The following SCLT1 variants were observed in gnomAD, a reference collection of about 807,000 sequenced individuals.
SCLT1 encodes sodium channel and clathrin linker 1.
SCLT1 carries 78 observed loss-of-function variants against 112.8 expected under a neutral mutation model. That is an observed-to-expected ratio of 0.69 (90% CI 0.58 to 0.83). SCLT1 has a LOEUF of 0.83. Among genes scored for constraint, SCLT1 ranks in the 40% least tolerant of loss-of-function variants. The pLI is 0.00. For missense variants in SCLT1, 747 were observed against 770.4 expected, an observed-to-expected ratio of 0.97 and a Z score of 0.36; for synonymous variants, 257 against 254.7, an observed-to-expected ratio of 1.01 and a Z score of -0.09.
intron 12 of SCLT1, 72 bp downstream of exon 12, chr4:128,959,528 C>T (rs1739502411): frequency 3.7e-6 from 4 of 1,085,514 alleles, no homozygotes; most frequent in Non-Finnish European, 4.2e-6. Flanking sequence ...CTATTGAATC[C>T]CTTACTGTGA....
At chr4:128,898,537 A>T (rs1398573783) in intron 18 of SCLT1, among the ~76,000 whole-genome samples, 1 of 152,204 alleles carries the variant, frequency 6.6e-6, no homozygotes, top group Admixed American at 6.5e-5. Context: ...TGTAGAGGGA[A>T]ATTTATAGCA....
At chr4:129,076,578 G>A (rs932118114) in intron 2 of SCLT1, among the ~76,000 whole-genome samples, 4 of 151,840 alleles carry the variant, frequency 2.6e-5, no homozygotes, top group South Asian at 2.1e-4. Flanking sequence ...CAAGTACCAA[G>A]AGACCAAAGC....
intron 14 of SCLT1, 79 bp from the exon 15 acceptor site, chr4:128,948,649 A>G: frequency 1.0e-6 from 1 of 985,930 alleles, no homozygotes; most frequent in Non-Finnish European, 1.6e-6. Context: ...TAATTTGTTC[A>G]TAATGGGAAT....
chr4:128,978,167 A>G (rs1741342823), intron 9 of SCLT1, among the ~76,000 whole-genome samples: 1 of 152,170 alleles, frequency 6.6e-6, no homozygotes, highest in South Asian at 2.1e-4. Context: ...GGTTCCATGT[A>G]TAAGATTTCT....
chr4:128,970,283 T>C (rs746730334), intron 10 of SCLT1, 95 bp downstream of exon 10: 118 of 710,204 alleles, frequency 1.7e-4, no homozygotes, highest in Middle Eastern at 4.8e-4. Context: ...ATTCATCTTC[T>C]GACAACCCTC....
intron 2 of SCLT1, among the ~76,000 whole-genome samples, chr4:129,070,702 G>A (rs578035880): frequency 3.5e-4 from 53 of 152,054 alleles, no homozygotes; most frequent in African/African-American, 1.2e-3. Flanking sequence ...TCCCTTCAAG[G>A]AACCAGCTTT....
intron 5 of SCLT1, among the ~76,000 whole-genome samples, chr4:129,007,297 G>T (rs948001520): frequency 3.3e-5 from 5 of 149,792 alleles, no homozygotes; most frequent in African/African-American, 9.8e-5. Context: ...TTAACTTACT[G>T]TTTTTTTTTC....
In SCLT1 at chr4:128,920,726, G is replaced by A. The variant is rs1735817660; in HGVS notation, c.1829+15929C>T. Among the ~76,000 whole-genome samples the A allele has an allele frequency of 2.0e-5, 3 of 152,256 alleles. No homozygotes were observed. In the South Asian group the frequency reaches 6.2e-4, roughly 32 times the overall value. On this transcript the variant is annotated intron_variant, in intron 18 of 20. Coordinates refer to ENST00000281142, the MANE Select transcript of SCLT1 (RefSeq NM_144643.4). ...ACATTGTAATGAATGGGCAAAAGCT[G>A]GAAGCATTCCCCCTGATAACTGGAA...
Position 128,942,980 on chromosome 4 carries a change from C to G in SCLT1, c.1632+16G>C, listed in dbSNP as rs769159620. On this transcript the variant is annotated intron_variant, in intron 17 of 20. Transcript: ENST00000281142. ...GATTTTCATAAGTACACATTTAACTCTAGTCTTGAAAATACCTTTACTTTG... is the reference window on the plus strand; with the variant it reads ...GATTTTCATAAGTACACATTTAACTGTAGTCTTGAAAATACCTTTACTTTG... The G allele has an allele frequency of 1.3e-6, 2 of 1,567,528 alleles. No individual in the cohort carries two copies. Among genetic ancestry groups the G allele is most frequent in the Non-Finnish European group, 8.7e-7 (1 of 1,147,928 alleles).
intron 20 of SCLT1, among the ~76,000 whole-genome samples, chr4:128,886,633 T>C (rs1732914338): frequency 6.6e-6 from 1 of 152,096 alleles, no homozygotes. Flanking sequence ...AAGAACAGAA[T>C]GGAAGGAGAA....
chr4:128,904,303 C>T (rs1479239757), intron 18 of SCLT1, among the ~76,000 whole-genome samples: 1 of 152,082 alleles, frequency 6.6e-6, no homozygotes, highest in South Asian at 2.1e-4. Context: ...TTTTAGTTCA[C>T]TTATATAATT....
chr4:129,018,282 G>C (rs1003836897), intron 5 of SCLT1, among the ~76,000 whole-genome samples: 4 of 152,210 alleles, frequency 2.6e-5, no homozygotes, highest in African/African-American at 9.7e-5. Flanking sequence ...ATACAGGAAG[G>C]CATATTAAAA....
intron 16 of SCLT1, among the ~76,000 whole-genome samples, chr4:128,945,295 A>T (rs1407723483): frequency 6.6e-6 from 1 of 152,146 alleles, no homozygotes. Context: ...CATGTGTGAT[A>T]CGTCTCTTAG....
intron 2 of SCLT1, among the ~76,000 whole-genome samples, chr4:129,058,901 TC>T (rs1240795991): frequency 3.9e-5 from 6 of 152,148 alleles, no homozygotes; most frequent in African/African-American, 1.2e-4. Context: ...CCCTTTATCT[TC>T]CTTTACATAT....
chr4:129,006,554 AAT>A (rs1553986109), intron 5 of SCLT1, among the ~76,000 whole-genome samples: 17 of 145,520 alleles, frequency 1.2e-4, no homozygotes, highest in Admixed American at 2.8e-4. Context: ...AAAAAAAAAA[AAT>A]TTAAAGGTCA....
At chr4:129,013,991 G>A (rs1744773738) in intron 5 of SCLT1, among the ~76,000 whole-genome samples, 1 of 152,130 alleles carries the variant, frequency 6.6e-6, no homozygotes, top group African/African-American at 2.4e-5. Context: ...ATTTCTTGGA[G>A]GTTTTGTTCA....
At chr4:129,005,618 G>T (rs945579065) in intron 5 of SCLT1, among the ~76,000 whole-genome samples, 1 of 152,118 alleles carries the variant, frequency 6.6e-6, no homozygotes, top group Non-Finnish European at 1.5e-5. Context: ...CAATTCCTCA[G>T]GGATCTAGAA....
chr4:129,009,144 T>C (rs1253836809), intron 5 of SCLT1, among the ~76,000 whole-genome samples: 3 of 152,216 alleles, frequency 2.0e-5, no homozygotes, highest in Admixed American at 6.5e-5. Flanking sequence ...TGTGTCTTTA[T>C]GGTAGAATGA....
intron 4 of SCLT1, among the ~76,000 whole-genome samples, chr4:128,876,068 T>C (rs1732513075): frequency 6.6e-6 from 1 of 152,174 alleles, no homozygotes; most frequent in Admixed American, 6.5e-5. Flanking sequence ...ATGCAGAAAT[T>C]AGCATATAGT....
Sources: gnomAD v4.1 joint callset for allele counts (sites outside exome capture counted in the v4.1 genomes callset) on GRCh38, gnomAD v4.1.1 for gene constraint, MANE v1.5 for transcripts, NCBI Gene and HGNC (gene_info 2026-07-23, HGNC 2026-07-21) for gene names.